The following NRG4 variants were observed in gnomAD, a reference collection of about 807,000 sequenced individuals.
NRG4 encodes the protein pro-neuregulin-4, membrane-bound isoform.
Under a neutral mutation model 15.0 loss-of-function variants are expected in NRG4, and 10 were observed. That is an observed-to-expected ratio of 0.67 (90% CI 0.41 to 1.13). NRG4 has a LOEUF of 1.13. Ranked by LOEUF, NRG4 falls within the 50% of genes most tolerant of loss-of-function variation. The pLI, the probability that NRG4 is intolerant of heterozygous loss-of-function variation, is 0.00. For synonymous variants in NRG4, 41 were observed against 50.1 expected (o/e 0.82, Z 0.77); for missense variants, 139 against 140.2 (o/e 0.99, Z 0.04).
chr15:76,051,482 A>C (rs1451706073), intron 4 of NRG4, among the ~76,000 whole-genome samples: 2 of 150,524 alleles, frequency 1.3e-5, no homozygotes, highest in African/African-American at 5.0e-5. Flanking sequence ...AATCACAAAG[A>C]CCAGACTTAA....
intron 3 of NRG4, among the ~76,000 whole-genome samples, chr15:75,979,255 C>T (rs545419248): frequency 6.6e-6 from 1 of 152,150 alleles, no homozygotes; most frequent in East Asian, 1.9e-4. Context: ...TTCATAGTTT[C>T]AGGTTTTATA....
intron 5 of NRG4, among the ~76,000 whole-genome samples, chr15:75,945,009 G>A (rs1045449773): frequency 5.3e-5 from 8 of 150,536 alleles, no homozygotes; most frequent in African/African-American, 9.8e-5. Flanking sequence ...ATATGTGTGT[G>A]GATTCTAAAA....
chr15:75,963,759 C>G (rs1475362101), intron 3 of NRG4, among the ~76,000 whole-genome samples: 1 of 132,808 alleles, frequency 7.5e-6, no homozygotes, highest in Non-Finnish European at 1.6e-5. Context: ...AGCCTGGCAA[C>G]AGAGCAAGAC....
rs556735882 is a variant in NRG4 at position 75,953,785 on chromosome 15, T to G, written c.331+2147A>C. Among the ~76,000 whole-genome samples, 6 of 152,170 alleles carry G rather than the reference T, an allele frequency of 3.9e-5. 1 individual carries two copies. The East Asian group carries it at 7.7e-4, about 20-fold the overall frequency. On this transcript the variant is annotated intron_variant, in intron 5 of 5. Coordinates refer to ENST00000394907, the MANE Select transcript of NRG4 (RefSeq NM_138573.4). ...TTGGCTCACCGCAGCCTTGACCTCC[T>G]GGGCTCAAGCAATTCTCCCACCTCC...
intron 3 of NRG4, among the ~76,000 whole-genome samples, chr15:75,963,976 A>AT (rs1275132304): frequency 6.6e-6 from 1 of 151,812 alleles, no homozygotes; most frequent in Non-Finnish European, 1.5e-5. Context: ...GTAAATAAAA[A>AT]ATATATATGG....
intron 4 of NRG4, among the ~76,000 whole-genome samples, chr15:76,044,806 A>G (rs1160371372): frequency 6.8e-6 from 1 of 146,026 alleles, no homozygotes; most frequent in East Asian, 2.0e-4. Flanking sequence ...ATACCACTGC[A>G]CTCCAACCTG....
intron 3 of NRG4, among the ~76,000 whole-genome samples, chr15:75,988,362 T>G (rs2033878665): frequency 6.6e-6 from 1 of 152,106 alleles, no homozygotes; most frequent in African/African-American, 2.4e-5. Context: ...ACTTTTATAT[T>G]TTTTAGGAGA....
chr15:76,001,828 T>C (rs560509209), intron 3 of NRG4, among the ~76,000 whole-genome samples: 2 of 152,310 alleles, frequency 1.3e-5, no homozygotes, highest in African/African-American at 4.8e-5. Flanking sequence ...GTGAACATAT[T>C]ATCTATTTTA....
At chr15:75,968,464 T>C (rs1219952340) in intron 3 of NRG4, among the ~76,000 whole-genome samples, 2 of 151,736 alleles carry the variant, frequency 1.3e-5, no homozygotes, top group African/African-American at 4.8e-5. Flanking sequence ...GGTGGGTGCC[T>C]GTAATTCCAG....
intron 4 of NRG4, among the ~76,000 whole-genome samples, chr15:76,036,483 A>C (rs2035599579): frequency 6.6e-6 from 1 of 152,218 alleles, no homozygotes; most frequent in Non-Finnish European, 1.5e-5. Context: ...CAGTATACAG[A>C]GAATGGGCTC....
chr15:75,967,027 T>C (rs573165218), intron 3 of NRG4, among the ~76,000 whole-genome samples: 1 of 151,186 alleles, frequency 6.6e-6, no homozygotes, highest in Admixed American at 6.6e-5. Flanking sequence ...AGGCAGGGAA[T>C]TGCTTGAATC....
chr15:75,939,204 A>C (rs1269117341), downstream of NRG4: 1 of 152,084 alleles, frequency 6.6e-6, no homozygotes, highest in African/African-American at 2.4e-5. Flanking sequence ...CTATGCGTAG[A>C]TAGACTAAGA....
chr15:75,984,880 T>G (rs1266664567), intron 3 of NRG4, among the ~76,000 whole-genome samples: 5 of 152,224 alleles, frequency 3.3e-5, no homozygotes, highest in Non-Finnish European at 7.3e-5. Context: ...AGTTTTGCTC[T>G]GTCACCCAGG....
chr15:76,041,555 T>TTTG (rs2035738407), intron 4 of NRG4, among the ~76,000 whole-genome samples: 1 of 151,948 alleles, frequency 6.6e-6, no homozygotes, highest in Non-Finnish European at 1.5e-5. Flanking sequence ...CAAAATAGAT[T>TTTG]CCATGACAAA....
At chr15:76,028,746 A>C (rs2035384260) in intron 5 of NRG4, among the ~76,000 whole-genome samples, 1 of 152,008 alleles carries the variant, frequency 6.6e-6, no homozygotes, top group Non-Finnish European at 1.5e-5. Context: ...TTAAAAATAC[A>C]CACATTAGCC....
At chr15:76,028,236 G>C (rs2035367869) in intron 5 of NRG4, among the ~76,000 whole-genome samples, 1 of 151,362 alleles carries the variant, frequency 6.6e-6, no homozygotes, top group African/African-American at 2.4e-5. Flanking sequence ...TATTTGAAAA[G>C]ATAAACAAAA....
At chr15:75,960,064 A>G (rs376592409) in intron 4 of NRG4, among the ~76,000 whole-genome samples, 1 of 152,206 alleles carries the variant, frequency 6.6e-6, no homozygotes, top group East Asian at 1.9e-4. Context: ...CCACTAAAGT[A>G]TTAGGGTTGG....
At chr15:75,986,784 A>G (rs1487539869) in intron 3 of NRG4, among the ~76,000 whole-genome samples, 2 of 152,192 alleles carry the variant, frequency 1.3e-5, no homozygotes, top group Admixed American at 1.3e-4. Context: ...AATGGTAACT[A>G]TCTTGGAGGC....
chr15:76,028,222 T>G (rs934895713), intron 5 of NRG4, among the ~76,000 whole-genome samples: 2 of 151,580 alleles, frequency 1.3e-5, no homozygotes, highest in Non-Finnish European at 2.9e-5. Flanking sequence ...AAATGAAAAT[T>G]GGTTATTTGA....
Sources: gnomAD v4.1 joint callset for allele counts (sites outside exome capture counted in the v4.1 genomes callset) on GRCh38, gnomAD v4.1.1 for gene constraint, MANE v1.5 for transcripts, NCBI Gene and HGNC (gene_info 2026-07-23, HGNC 2026-07-21) for gene names.